Variants in LHFPL2 observed in about 807,000 individuals in gnomAD.
The protein encoded by LHFPL2 is LHFPL tetraspan subfamily member 2, also known as LHFPL tetraspan subfamily member 2 protein.
Under a neutral mutation model 17.5 loss-of-function variants are expected in LHFPL2, and 7 were observed. That is an observed-to-expected ratio of 0.40 (90% CI 0.23 to 0.75). The LOEUF is 0.75. LHFPL2 is among the 30% of genes least tolerant of loss of function. The pLI is 0.37. For missense variants in LHFPL2, 241 were observed against 294.8 expected, an observed-to-expected ratio of 0.82 and a Z score of 1.34; for synonymous variants, 134 against 116.2, an observed-to-expected ratio of 1.15 and a Z score of -0.99.
At chr5:78,514,290 A>G (rs1374210030) in intron 3 of LHFPL2, among the ~76,000 whole-genome samples, 1 of 152,024 alleles carries the variant, frequency 6.6e-6, no homozygotes, top group Non-Finnish European at 1.5e-5. Flanking sequence ...TGGATCATCT[A>G]GACAGCCCTC....
chr5:78,548,021 G>A lies in LHFPL2; in HGVS notation c.-186+16792C>T, dbSNP rs561503956. Among the ~76,000 whole-genome samples, 105 of 152,362 alleles carry A rather than the reference G, an allele frequency of 6.9e-4. 2 individuals carry two copies. In the South Asian group the frequency reaches 0.013, roughly 20 times the overall value. On this transcript the variant is annotated intron_variant, in intron 3 of 4. Coordinates refer to ENST00000380345, the MANE Select transcript of LHFPL2 (RefSeq NM_005779.3). Reference sequence around the variant, plus strand: ...TCGGAAACAGATTTACAAAGCACTCGGGAGGATCCCGAGGGAATGATCAGG... The same window carrying A: ...TCGGAAACAGATTTACAAAGCACTCAGGAGGATCCCGAGGGAATGATCAGG...
At chr5:78,501,431 G>A (rs1039265620) in intron 4 of LHFPL2, among the ~76,000 whole-genome samples, 7 of 152,180 alleles carry the variant, frequency 4.6e-5, no homozygotes, top group African/African-American at 1.4e-4. Context: ...CCCTTCTGCG[G>A]GGTAAGAGAT....
chr5:78,606,962 C>T (rs946768023), intron 2 of LHFPL2, among the ~76,000 whole-genome samples: 8 of 151,900 alleles, frequency 5.3e-5, no homozygotes, highest in Non-Finnish European at 7.4e-5. Context: ...CAGGCATGAG[C>T]CATACACAGG....
chr5:78,510,450 C>T (rs1290061348), intron 3 of LHFPL2, 52 bp from the exon 4 acceptor site: 3 of 517,326 alleles, frequency 5.8e-6, no homozygotes, highest in Non-Finnish European at 6.8e-6. Flanking sequence ...GCCCCGCCTT[C>T]CCGCCGCGCA....
At chr5:78,544,849 A>G (rs2112382319) in intron 3 of LHFPL2, among the ~76,000 whole-genome samples, 1 of 152,296 alleles carries the variant, frequency 6.6e-6, no homozygotes, top group South Asian at 2.1e-4. Flanking sequence ...ACTCCATTTT[A>G]GTCTGCTTTT....
intron 3 of LHFPL2, among the ~76,000 whole-genome samples, chr5:78,540,604 G>A (rs999091937): frequency 7.2e-5 from 11 of 152,312 alleles, no homozygotes; most frequent in African/African-American, 1.9e-4. Flanking sequence ...ATGGGAGGCC[G>A]GAGAGATGCG....
At chr5:78,571,477 C>T (rs1756998664) in intron 2 of LHFPL2, among the ~76,000 whole-genome samples, 1 of 152,134 alleles carries the variant, frequency 6.6e-6, no homozygotes, top group African/African-American at 2.4e-5. Flanking sequence ...TCACATCCAC[C>T]ATACTAATAA....
chr5:78,593,010 AT>A (rs1743697122), intron 2 of LHFPL2, among the ~76,000 whole-genome samples: 1 of 152,172 alleles, frequency 6.6e-6, no homozygotes, highest in Non-Finnish European at 1.5e-5. Context: ...TGTTATGTGT[AT>A]TTTATCACAA....
At chr5:78,599,703 T>C (rs1580846575) in intron 2 of LHFPL2, among the ~76,000 whole-genome samples, 1 of 151,724 alleles carries the variant, frequency 6.6e-6, no homozygotes. Context: ...ATAAAAAACA[T>C]AAAGGCTTGC....
rs1366490969 is a variant in LHFPL2, at chr5:78,488,878, T to C, written c.*19A>G. 6.2e-7 allele frequency: 1 copy of C among 1,611,774 alleles called. No individual in the cohort carries two copies. Among genetic ancestry groups the C allele is most frequent in the South Asian group, 1.1e-5 (1 of 91,028 alleles). On this transcript the variant is annotated 3_prime_UTR_variant, in exon 5 of 5. Transcript: ENST00000380345. ...TCACAAGATTACTCAAGGGAGAAAA[T>C]GGCATTGTCTCTTCCAAACTAAAGG... is the stretch of plus-strand genomic sequence containing the variant.
intron 3 of LHFPL2, among the ~76,000 whole-genome samples, chr5:78,519,407 C>A (rs1177143743): frequency 1.3e-5 from 2 of 152,160 alleles, no homozygotes; most frequent in Non-Finnish European, 2.9e-5. Context: ...ATGGCAACAG[C>A]CAGAATCTGC....
intron 3 of LHFPL2, among the ~76,000 whole-genome samples, chr5:78,516,646 C>T (rs1198077026): frequency 6.6e-6 from 1 of 152,098 alleles, no homozygotes; most frequent in African/African-American, 2.4e-5. Flanking sequence ...TATTCTGATG[C>T]GTATGTCTAT....
Position 78,491,655 on chromosome 5 carries a change from G to C in LHFPL2, c.431-2502C>G, listed in dbSNP as rs116302766. Among the ~76,000 whole-genome samples the C allele has an allele frequency of 5.5e-3, 843 of 152,302 alleles. 10 individuals are homozygous for C. Among genetic ancestry groups the C allele is most frequent in the African/African-American group, 0.019 (799 of 41,532 alleles). On this transcript the variant is annotated intron_variant, in intron 4 of 4. Coordinates refer to ENST00000380345, the MANE Select transcript of LHFPL2 (RefSeq NM_005779.3). The stretch of plus-strand genomic sequence containing the variant: ...CTCTGACTTTAGAGTTTGAATCCAG[G>C]CTCCGCCCTGTATGAGCTGAGTGAC...
intron 1 of LHFPL2, among the ~76,000 whole-genome samples, chr5:78,647,523 T>C (rs1253636732): frequency 1.3e-5 from 2 of 152,132 alleles, no homozygotes; most frequent in Non-Finnish European, 2.9e-5. Flanking sequence ...AGCGGCCGCG[T>C]TGCAATTTCA....
At chr5:78,535,533 G>A (rs1755922247) in intron 3 of LHFPL2, among the ~76,000 whole-genome samples, 1 of 152,132 alleles carries the variant, frequency 6.6e-6, no homozygotes. Context: ...AGCAGCCAGG[G>A]GACACTAAAG....
chr5:78,597,606 C>CCCAATTCT (rs57441382), intron 2 of LHFPL2, among the ~76,000 whole-genome samples: 3,333 of 152,188 alleles, frequency 0.022, 116 homozygotes, highest in African/African-American at 0.077. Context: ...AACTCTAAGA[C>CCCAATTCT]CCAATTCTTC....
chr5:78,552,664 G>A (rs1406715719), intron 3 of LHFPL2, among the ~76,000 whole-genome samples: 1 of 152,188 alleles, frequency 6.6e-6, no homozygotes. Context: ...CTACTGCAGG[G>A]GGGAAAGAAT....
intron 2 of LHFPL2, among the ~76,000 whole-genome samples, chr5:78,621,294 C>G (rs1380123296): frequency 5.3e-5 from 8 of 152,206 alleles, no homozygotes; most frequent in African/African-American, 1.9e-4. Context: ...GTAACAGCCA[C>G]TCTTTCAGTG....
At chr5:78,585,690 T>C (rs1224787545) in intron 2 of LHFPL2, among the ~76,000 whole-genome samples, 1 of 151,844 alleles carries the variant, frequency 6.6e-6, no homozygotes, top group Non-Finnish European at 1.5e-5. Context: ...CTCCTCCTCC[T>C]CATCATCATC....
Sources: allele counts gnomAD v4.1 joint callset (sites outside exome capture counted in the v4.1 genomes callset), GRCh38; gene constraint gnomAD v4.1.1; transcripts MANE v1.5; gene names NCBI Gene and HGNC (gene_info 2026-07-23, HGNC 2026-07-21).